PCDH9: variants seen among roughly 807,000 people sequenced by gnomAD.
PCDH9 encodes protocadherin 9.
A neutral mutation model predicts 70.6 loss-of-function variants in PCDH9; 24 were observed. That is an observed-to-expected ratio of 0.34 (90% CI 0.25 to 0.48). The LOEUF (loss-of-function observed/expected upper bound fraction) is 0.48. PCDH9 is among the 20% of genes least tolerant of loss of function. The probability of loss-of-function intolerance (pLI) is 0.99; values close to 1 mark genes in which losing one functional copy is unlikely to be tolerated. For missense variants in PCDH9, 1,281 were observed against 1,503.6 expected (o/e 0.85, Z 2.45); for synonymous variants, 562 against 558.5 (o/e 1.01, Z -0.09).
At chr13:66,873,584 T>C (rs2081738901) in intron 3 of PCDH9, among the ~76,000 whole-genome samples, 2 of 152,306 alleles carry the variant, frequency 1.3e-5, no homozygotes, top group African/African-American at 2.4e-5. Flanking sequence ...ACAGGTTCTA[T>C]TGAATGCTAT....
intron 4 of PCDH9, among the ~76,000 whole-genome samples, chr13:66,557,227 AACTT>A (rs1169240106): frequency 1.3e-5 from 2 of 152,212 alleles, no homozygotes; most frequent in Non-Finnish European, 2.9e-5. Flanking sequence ...ACCATTCAAA[AACTT>A]ACTAACATAA....
chr13:66,766,561 A>G (rs1217016577), intron 3 of PCDH9, among the ~76,000 whole-genome samples: 1 of 151,976 alleles, frequency 6.6e-6, no homozygotes, highest in African/African-American at 2.4e-5. Flanking sequence ...TGAGTTTGGG[A>G]AATATTTTAT....
intron 3 of PCDH9, among the ~76,000 whole-genome samples, chr13:66,709,461 T>C (rs1448225521): frequency 6.6e-6 from 1 of 152,176 alleles, no homozygotes; most frequent in East Asian, 1.9e-4. Flanking sequence ...TGCAATCATG[T>C]TGTCCCAATT....
intron 2 of PCDH9, among the ~76,000 whole-genome samples, chr13:67,000,800 G>A (rs185480428): frequency 1.4e-4 from 21 of 152,266 alleles, no homozygotes; most frequent in Admixed American, 8.5e-4. Flanking sequence ...TCATGACGAA[G>A]TGATTATATT....
At chr13:66,555,425 A>AG (rs960085619) in intron 4 of PCDH9, among the ~76,000 whole-genome samples, 1 of 150,910 alleles carries the variant, frequency 6.6e-6, no homozygotes, top group African/African-American at 2.4e-5. Flanking sequence ...TGGGGAAAAA[A>AG]AAAAAAAGCA....
intron 3 of PCDH9, among the ~76,000 whole-genome samples, chr13:66,759,156 A>T (rs2079583438): frequency 6.6e-6 from 1 of 152,006 alleles, no homozygotes; most frequent in Admixed American, 6.6e-5. Context: ...TACTTTACAT[A>T]TGTAGCTGCT....
intron 3 of PCDH9, among the ~76,000 whole-genome samples, chr13:66,741,996 A>C (rs2079272308): frequency 6.9e-6 from 1 of 144,850 alleles, no homozygotes; most frequent in African/African-American, 2.6e-5. Context: ...AAACTACTTT[A>C]AAGTTCATAT....
rs150006932 is a variant in PCDH9 at position 66,482,729 on chromosome 13, C to T, written c.3340+148481G>A. ...TTATTGCTATAACATGATTTACTTC[C>T]ATTTTATGTATTCTTTATTCTGATC... On this transcript the variant is annotated intron_variant, in intron 4 of 4. Transcript: ENST00000377865. 3.8e-3 allele frequency among the ~76,000 whole-genome samples: 586 copies of T among 152,288 alleles called. 2 individuals carry two copies. Among genetic ancestry groups the T allele is most frequent in the African/African-American group, 0.014 (563 of 41,568 alleles).
At chr13:66,980,025 C>T (rs2083706738) in intron 2 of PCDH9, among the ~76,000 whole-genome samples, 1 of 151,878 alleles carries the variant, frequency 6.6e-6, no homozygotes, top group Non-Finnish European at 1.5e-5. Context: ...TATTTTATTC[C>T]CATTGTTTCA....
intron 4 of PCDH9, among the ~76,000 whole-genome samples, chr13:66,527,953 G>A (rs1051879196): frequency 2.0e-5 from 3 of 152,136 alleles, no homozygotes; most frequent in African/African-American, 7.2e-5. Flanking sequence ...GGAAGGTGGA[G>A]GTTGAAGTGA....
chr13:66,541,182 C>A (rs1382004867), intron 4 of PCDH9, among the ~76,000 whole-genome samples: 1 of 152,100 alleles, frequency 6.6e-6, no homozygotes, highest in Admixed American at 6.6e-5. Context: ...AGGGAAGTTG[C>A]AAAATGGGGC....
intron 3 of PCDH9, among the ~76,000 whole-genome samples, chr13:66,878,809 T>TAA (rs1450557025): frequency 6.6e-6 from 1 of 151,970 alleles, no homozygotes; most frequent in Non-Finnish European, 1.5e-5. Context: ...GTGGGCTTAA[T>TAA]AAAAAAGCAG....
intron 4 of PCDH9, among the ~76,000 whole-genome samples, chr13:66,406,267 G>C (rs1450617764): frequency 6.6e-6 from 1 of 152,128 alleles, no homozygotes; most frequent in Non-Finnish European, 1.5e-5. Flanking sequence ...TGAGACTTGG[G>C]CAAGTTTTAA....
intron 4 of PCDH9, among the ~76,000 whole-genome samples, chr13:66,628,766 T>G (rs1406754472): frequency 6.6e-6 from 1 of 152,212 alleles, no homozygotes; most frequent in Non-Finnish European, 1.5e-5. Context: ...GTCAACAAAT[T>G]TTTCATTTTT....
At chr13:66,963,937 T>C (rs974823602) in intron 2 of PCDH9, among the ~76,000 whole-genome samples, 1 of 152,090 alleles carries the variant, frequency 6.6e-6, no homozygotes. Context: ...GTTAAGTTCA[T>C]GTGTCAAGTA....
At chr13:66,404,128 A>G (rs570299514) in intron 4 of PCDH9, among the ~76,000 whole-genome samples, 1 of 152,320 alleles carries the variant, frequency 6.6e-6, no homozygotes, top group South Asian at 2.1e-4. Context: ...AATATCTGAT[A>G]AAATTTAAGA....
At chr13:66,699,192 G>C (rs1184204041) in intron 3 of PCDH9, among the ~76,000 whole-genome samples, 1 of 152,052 alleles carries the variant, frequency 6.6e-6, no homozygotes, top group East Asian at 1.9e-4. Flanking sequence ...GGGATTACAG[G>C]TGTGAGCCAC....
intron 2 of PCDH9, among the ~76,000 whole-genome samples, chr13:66,964,869 A>G (rs1386028792): frequency 6.6e-6 from 1 of 152,012 alleles, no homozygotes; most frequent in Non-Finnish European, 1.5e-5. Context: ...ATTCAAGAGC[A>G]TTACTGAATT....
chr13:66,691,360 A>G (rs1421338153), intron 3 of PCDH9, among the ~76,000 whole-genome samples: 1 of 152,142 alleles, frequency 6.6e-6, no homozygotes, highest in Non-Finnish European at 1.5e-5. Flanking sequence ...AATCATTTTA[A>G]AGTGCTATGT....
Sources: allele counts gnomAD v4.1 joint callset (sites outside exome capture counted in the v4.1 genomes callset), GRCh38; gene constraint gnomAD v4.1.1; transcripts MANE v1.5; gene names NCBI Gene and HGNC (gene_info 2026-07-23, HGNC 2026-07-21).